PCDHGB1: variants seen among roughly 807,000 people sequenced by gnomAD.
PCDHGB1 encodes protocadherin gamma-B1.
Under a neutral mutation model 56.6 loss-of-function variants are expected in PCDHGB1, and 34 were observed. That is an observed-to-expected ratio of 0.60 (90% CI 0.46 to 0.80). The LOEUF (loss-of-function observed/expected upper bound fraction) is 0.80. PCDHGB1 is among the 30% of genes least tolerant of loss of function. The pLI is 0.00. For synonymous variants in PCDHGB1, 561 were observed against 505.9 expected, an observed-to-expected ratio of 1.11 and a Z score of -1.46; for missense variants, 1,278 against 1,204.6, an observed-to-expected ratio of 1.06 and a Z score of -0.90.
At chr5:141,403,892 T>C in intron 1 of PCDHGB1, 1 of 1,613,820 alleles carries the variant, frequency 6.2e-7, no homozygotes, top group Non-Finnish European at 8.5e-7. Flanking sequence ...AGAATGTTCA[T>C]TTTATGAAAT....
At chr5:141,444,288 C>T (rs2098430665) in intron 1 of PCDHGB1, among the ~76,000 whole-genome samples, 1 of 150,100 alleles carries the variant, frequency 6.7e-6, no homozygotes, top group South Asian at 2.1e-4. Flanking sequence ...TCTCCTGCCT[C>T]AGCCTCCCTA....
rs534187376 is a variant in PCDHGB1 at position 141,512,974 on chromosome 5, A to G, written c.*1801A>G. ...AAAATAATAAAACGTTTCTTCTGAA[A>G]AGCTGAACGTTTCTGTATAAGCGAT... is the stretch of plus-strand genomic sequence containing the variant. On this transcript the variant is annotated 3_prime_UTR_variant, in exon 4 of 4. Transcript: ENST00000523390. The G allele has an allele frequency of 6.6e-6, 1 of 152,362 alleles. No individual in the cohort carries two copies. Among genetic ancestry groups the G allele is most frequent in the South Asian group, 2.1e-4 (1 of 4,826 alleles). The allele number at this position is 152,362 out of a possible 1,614,324, so 9.4% of individuals were successfully genotyped here. A position where few individuals can be genotyped will look rare whatever the true frequency, so the allele number is the denominator to read the frequency against.
chr5:141,476,040 G>T lies in PCDHGB1; in HGVS notation c.2410-18767G>T. On this transcript the variant is annotated intron_variant, in intron 1 of 3. Coordinates refer to ENST00000523390, the MANE Select transcript of PCDHGB1 (RefSeq NM_018922.3). This position sits in a 1 kb window ranked among gnomAD's most constrained non-coding sequence, Gnocchi z 7.6. ...CGGACTCGGCGCCCAGCGCCCAAGC[G>T]CTAACCCGCTGAAAGTTTCTCAGCG... is the stretch of plus-strand genomic sequence containing the variant. 1 of 1,488,704 alleles carries T rather than the reference G, an allele frequency of 6.7e-7. No homozygotes were observed. 92.2% of individuals were successfully genotyped at this position (1,488,704 alleles called of 1,614,324 possible).
chr5:141,485,944 G>C lies in PCDHGB1; in HGVS notation c.2410-8863G>C, dbSNP rs2099621875. 1 of 1,613,998 alleles carries C rather than the reference G, an allele frequency of 6.2e-7. No homozygotes were observed. Reference sequence around the variant, plus strand: ...TTAGTGTGTTGGAGAGCGCACCAGCGGGCATGGTGCTCATCCAGCTCAATG... The same window carrying C: ...TTAGTGTGTTGGAGAGCGCACCAGCCGGCATGGTGCTCATCCAGCTCAATG... On this transcript the variant is annotated intron_variant, in intron 1 of 3. Transcript: ENST00000523390. This position sits in a 1 kb window ranked among gnomAD's most constrained non-coding sequence, Gnocchi z 5.7.
At position 141,486,891 on chromosome 5, in the gene PCDHGB1, G is replaced by C. The variant is rs201201426; in HGVS notation, c.2410-7916G>C. On this transcript the variant is annotated intron_variant, in intron 1 of 3. Transcript: ENST00000523390. This position sits in a 1 kb window ranked among gnomAD's most constrained non-coding sequence, Gnocchi z 5.0. ...GTGCTCCGTCCTCGGGCCCGGCCTGGTTCCTTATGTCCCCAAGCACTGCCT... is the reference window on the plus strand; with the variant it reads ...GTGCTCCGTCCTCGGGCCCGGCCTGCTTCCTTATGTCCCCAAGCACTGCCT... 14 of 1,614,118 alleles carry C rather than the reference G, an allele frequency of 8.7e-6. No homozygotes were observed. The highest frequency in any genetic ancestry group is 3.3e-5 in the Admixed American group (2 of 60,008).
chr5:141,487,608 G>A lies in PCDHGB1; in HGVS notation c.2410-7199G>A, dbSNP rs970411391. On this transcript the variant is annotated intron_variant, in intron 1 of 3. Coordinates refer to ENST00000523390, the MANE Select transcript of PCDHGB1 (RefSeq NM_018922.3). The surrounding 1 kb of genome is among the most constrained non-coding windows in gnomAD (Gnocchi z 5.0). ...TGCCCACCCTCTGATCTTCTCTATG[G>A]GCTAGAGGTGAGACCTTTGCAGGCT... 1 of 1,614,182 alleles carries A rather than the reference G, an allele frequency of 6.2e-7. No individual in the cohort carries two copies. Among genetic ancestry groups the A allele is most frequent in the African/African-American group, 1.3e-5 (1 of 75,050 alleles).
chr5:141,392,783 G>T, intron 1 of PCDHGB1: 1 of 1,542,922 alleles, frequency 6.5e-7, no homozygotes, highest in Admixed American at 2.1e-5. Flanking sequence ...GCACAGTGAA[G>T]ATTCTGAGAG....
At chr5:141,359,059 A>G (rs1447770153) in intron 1 of PCDHGB1, among the ~76,000 whole-genome samples, 1 of 152,256 alleles carries the variant, frequency 6.6e-6, no homozygotes, top group South Asian at 2.1e-4. Flanking sequence ...ATATGCCTCA[A>G]TTTGACTTAC....
At position 141,375,585 on chromosome 5, in the gene PCDHGB1, T is replaced by A. The variant is rs765334095; in HGVS notation, c.2409+22916T>A. 3.1e-6 allele frequency: 5 copies of A among 1,614,014 alleles called. No individual in the cohort carries two copies. The African/African-American group carries it at 6.7e-5, about 22-fold the overall frequency. ...GAAGACACCCTCCAGGGGGCGCCCC[T>A]GTCCTCCTACGTGTCCATCAACTCC... On this transcript the variant is annotated intron_variant, in intron 1 of 3. Transcript: ENST00000523390.
At chr5:141,376,226 A>G in intron 1 of PCDHGB1, 2 of 1,614,202 alleles carry the variant, frequency 1.2e-6, no homozygotes, top group Non-Finnish European at 1.7e-6. Flanking sequence ...GCTGGCGCTC[A>G]GACTGCAGCG....
At chr5:141,369,412 A>G (rs1250548281) in intron 1 of PCDHGB1, among the ~76,000 whole-genome samples, 1 of 152,168 alleles carries the variant, frequency 6.6e-6, no homozygotes, top group Non-Finnish European at 1.5e-5. Context: ...CATGACTATA[A>G]TCCCAGCAAT....
chr5:141,453,423 C>T (rs931962019), intron 1 of PCDHGB1, among the ~76,000 whole-genome samples: 2 of 152,120 alleles, frequency 1.3e-5, no homozygotes, highest in African/African-American at 4.8e-5. Context: ...TAAGCCACCA[C>T]ACCTAGCCTA....
At chr5:141,394,530 A>C in intron 1 of PCDHGB1, 1 of 1,614,140 alleles carries the variant, frequency 6.2e-7, no homozygotes, top group African/African-American at 1.3e-5. Flanking sequence ...AGACGGTTCC[A>C]CTGGCGTGGA....
rs747205741 is a variant in PCDHGB1, at chr5:141,384,243, C to A, written c.2409+31574C>A. On this transcript the variant is annotated intron_variant, in intron 1 of 3. Coordinates refer to ENST00000523390, the MANE Select transcript of PCDHGB1 (RefSeq NM_018922.3). ...TGCAGGTGGCAGACACCAACGATAA[C>A]CCACCCACCTTCCCCCACTCATCCT... 3.5e-5 allele frequency: 56 copies of A among 1,613,762 alleles called. 1 individual carries two copies. The South Asian group carries it at 6.0e-4, about 17-fold the overall frequency.
intron 1 of PCDHGB1, chr5:141,403,227 G>C (rs2094378929): frequency 1.2e-6 from 2 of 1,608,848 alleles, no homozygotes; most frequent in African/African-American, 1.3e-5. Context: ...AGGATAGACC[G>C]GGAGGAGCTC....
chr5:141,476,507 A>G lies in PCDHGB1; in HGVS notation c.2410-18300A>G. 1 of 1,614,102 alleles carries G rather than the reference A, an allele frequency of 6.2e-7. No individual in the cohort carries two copies. The highest frequency in any genetic ancestry group is 8.5e-7 in the Non-Finnish European group (1 of 1,180,008). On this transcript the variant is annotated intron_variant, in intron 1 of 3. Transcript: ENST00000523390. This position sits in a 1 kb window ranked among gnomAD's most constrained non-coding sequence, Gnocchi z 7.6. Reference sequence around the variant, plus strand: ...AGTGGTGATCCAGGACATCAACGACAACAATCCTGCTTTCCCTACCCAGGA... The same window carrying G: ...AGTGGTGATCCAGGACATCAACGACGACAATCCTGCTTTCCCTACCCAGGA...
At position 141,421,262 on chromosome 5, in the gene PCDHGB1, G is replaced by GGCT. The variant is rs748368476; in HGVS notation, c.2409+68607_2409+68609dup. 2.6e-5 allele frequency: 42 copies of GGCT among 1,609,594 alleles called. No homozygotes were observed. The Admixed American group carries it at 3.2e-4, about 12-fold the overall frequency. On this transcript the variant is annotated intron_variant, in intron 1 of 3. Coordinates refer to ENST00000523390, the MANE Select transcript of PCDHGB1 (RefSeq NM_018922.3). ...CGGCTACAGCGCGGGGACCGCAGTC[G>GGCT]GCTGCTGCTGCTGCTGTGCATTTTC...
intron 1 of PCDHGB1, chr5:141,403,717 G>T: frequency 6.2e-7 from 1 of 1,613,936 alleles, no homozygotes; most frequent in Non-Finnish European, 8.5e-7. Flanking sequence ...TTGAGAACGT[G>T]CCCCCAGGCA....
At chr5:141,419,642 G>A (rs376762490) in intron 1 of PCDHGB1, 1 of 1,612,412 alleles carries the variant, frequency 6.2e-7, no homozygotes, top group African/African-American at 1.3e-5. Context: ...GGTGGCCGTG[G>A]ACGCGGACTC....
Sources: gnomAD v4.1 joint callset for allele counts (sites outside exome capture counted in the v4.1 genomes callset) on GRCh38, gnomAD v4.1.1 for gene constraint, Gnocchi (gnomAD v3.1) non-coding constraint, MANE v1.5 for transcripts, NCBI Gene and HGNC (gene_info 2026-07-23, HGNC 2026-07-21) for gene names.